Variants in HMCN2 observed in about 807,000 individuals in gnomAD.
HMCN2 encodes hemicentin 2, also known as hemicentin-2.
HMCN2 carries 325 observed loss-of-function variants against 377.5 expected under a neutral mutation model. The observed-to-expected ratio is 0.86, with a 90% CI of 0.79 to 0.94. HMCN2 has a LOEUF of 0.94. HMCN2 is among the 40% of genes least tolerant of loss of function. The pLI, the probability that HMCN2 is intolerant of heterozygous loss-of-function variation, is 0.00. For synonymous variants in HMCN2, 2,007 were observed against 2,046.8 expected, an observed-to-expected ratio of 0.98 and a Z score of 0.53; for missense variants, 4,543 against 4,725.3, an observed-to-expected ratio of 0.96 and a Z score of 1.13.
At chr9:130,356,355 G>T (rs1840026915) in intron 34 of HMCN2, 98 bp downstream of exon 34, 6 of 1,140,754 alleles carry the variant, frequency 5.3e-6, no homozygotes, top group Non-Finnish European at 6.7e-6. Context: ...CACGGGGCTG[G>T]TCTTTGCTGG....
At position 130,358,591 on chromosome 9, in the gene HMCN2, A is replaced by G. The variant is rs1840180380; in HGVS notation, c.5677+105A>G. Reference sequence around the variant, plus strand: ...GCGAGGGAGGGGGAGGAGGTTTTTCAGTCATAGTTGTGCACTTAACTTCAG... The same window carrying G: ...GCGAGGGAGGGGGAGGAGGTTTTTCGGTCATAGTTGTGCACTTAACTTCAG... On this transcript the variant is annotated intron_variant, in intron 36 of 97. Transcript: ENST00000683500. 2.8e-6 allele frequency: 3 copies of G among 1,074,732 alleles called. No homozygotes were observed. The South Asian group carries it at 4.0e-5, about 14-fold the overall frequency. 66.6% of individuals were successfully genotyped at this position (1,074,732 alleles called of 1,614,324 possible).
At chr9:130,325,437 C>T (rs1838081799) in intron 19 of HMCN2, among the ~76,000 whole-genome samples, 158 bp from the exon 20 acceptor site, 1 of 152,202 alleles carries the variant, frequency 6.6e-6, no homozygotes, top group Admixed American at 6.5e-5. Flanking sequence ...GAATTAATTG[C>T]CTTCCTTTTT....
At chr9:130,348,456 G>A (rs945908480) in intron 26 of HMCN2, 89 bp from the exon 27 acceptor site, 5 of 1,245,582 alleles carry the variant, frequency 4.0e-6, no homozygotes, top group African/African-American at 3.1e-5. Flanking sequence ...CCCCAGTGAC[G>A]AAGGGGAGGG....
At chr9:130,430,147 G>T in intron 94 of HMCN2, 137 bp from the exon 95 acceptor site, 1 of 729,922 alleles carries the variant, frequency 1.4e-6, no homozygotes, top group Non-Finnish European at 2.2e-6. Flanking sequence ...GGGGGATGCA[G>T]CGTGGCTCAC....
intron 22 of HMCN2, among the ~76,000 whole-genome samples, chr9:130,332,911 G>A (rs1838502554): frequency 1.3e-5 from 2 of 152,172 alleles, no homozygotes; most frequent in South Asian, 4.1e-4. Context: ...TCATTCCACG[G>A]CCGCCGGCCC....
In HMCN2 at chr9:130,306,164, C is replaced by T. The variant is rs1554936622; in HGVS notation, c.1852C>T (p.His618Tyr). Residue 618 changes from histidine to tyrosine, a missense_variant, in exon 12 of 98, where the codon CAC becomes TAC. Coordinates refer to ENST00000683500, the MANE Select transcript of HMCN2 (RefSeq NM_001291815.2). ...PQVSIHTSSQ[H>Y]FSQGVEVKVS... Reference sequence around the variant, plus strand: ...GGTCAGCATCCACACCAGCTCCCAGCACTTCTCCCAAGGTGTGGAGGTGAA... The same window carrying T: ...GGTCAGCATCCACACCAGCTCCCAGTACTTCTCCCAAGGTGTGGAGGTGAA... 2.1e-6 allele frequency: 1 copy of T among 471,166 alleles called. No homozygotes were observed. Among genetic ancestry groups the T allele is most frequent in the Non-Finnish European group, 4.4e-6 (1 of 227,048 alleles). The allele number at this position is 471,166 out of a possible 1,614,324, so 29.2% of individuals were successfully genotyped here.
intron 25 of HMCN2, among the ~76,000 whole-genome samples, chr9:130,343,972 G>C (rs1207255251): frequency 2.6e-5 from 4 of 152,224 alleles, no homozygotes; most frequent in Admixed American, 2.6e-4. Flanking sequence ...CACCCACTTG[G>C]TGGTGTGTGT....
intron 32 of HMCN2, among the ~76,000 whole-genome samples, chr9:130,355,343 C>T (rs960613054): frequency 4.6e-5 from 7 of 152,174 alleles, no homozygotes; most frequent in Non-Finnish European, 7.4e-5. Flanking sequence ...TGGCCCTTTA[C>T]GGAGACTTTC....
rs1051581383 is a variant in HMCN2, at chr9:130,376,638, C to G, written c.8041C>G (p.Arg2681Gly). The G allele has an allele frequency of 5.1e-6, 5 of 985,734 alleles. No individual in the cohort carries two copies. In the African/African-American group the frequency reaches 8.7e-5, roughly 17 times the overall value. The allele number at this position is 985,734 out of a possible 1,614,324, so 61.1% of individuals were successfully genotyped here. Residue 2681 changes from arginine (R) to glycine (G), a missense_variant, in exon 52 of 98, where the codon CGC (arginine) becomes GGC (glycine). Arg to Gly is a moderately radical substitution (Grantham distance 125, BLOSUM62 -2). Coordinates refer to ENST00000683500, the MANE Select transcript of HMCN2 (RefSeq NM_001291815.2). Reference sequence around the variant, plus strand: ...CTGGGCTGTGCCCCCGCCCACCATCCGCTGGTACAAGGATGGACAGGTGAG... The same window carrying G: ...CTGGGCTGTGCCCCCGCCCACCATCGGCTGGTACAAGGATGGACAGGTGAG... ...ESWAVPPPTI[R>G]WYKDGQPVTP...
rs1270733740 is a variant in HMCN2 at position 130,394,009 on chromosome 9, G to A, written c.10501+1G>A. On this transcript the variant is annotated splice_donor_variant, in intron 68 of 97. Coordinates refer to ENST00000683500, the MANE Select transcript of HMCN2 (RefSeq NM_001291815.2). LOFTEE classifies it high-confidence loss of function. This position sits in a 1 kb window ranked among gnomAD's most constrained non-coding sequence, Gnocchi z 5.1. ...AGGCATTTCCAGCTGACCGTCATGG[G>A]TGGGTCCTCTGGCCTCTGGCCAGCT... The A allele has an allele frequency of 1.6e-6, 2 of 1,251,792 alleles. No homozygotes were observed. Among genetic ancestry groups the A allele is most frequent in the African/African-American group, 1.5e-5 (1 of 64,724 alleles). The allele number at this position is 1,251,792 out of a possible 1,614,324, so 77.5% of individuals were successfully genotyped here.
intron 53 of HMCN2, among the ~76,000 whole-genome samples, chr9:130,378,294 G>T (rs1249129060): frequency 2.0e-5 from 3 of 147,110 alleles, no homozygotes; most frequent in African/African-American, 7.7e-5. Context: ...AGCTGGGAGG[G>T]AGAGGCTGGG....
rs1251003551 is a variant in HMCN2 at position 130,424,823 on chromosome 9, G to T, written c.13429G>T (p.Ala4477Ser). 4.6e-6 allele frequency: 7 copies of T among 1,527,156 alleles called. No individual in the cohort carries two copies. The Admixed American group carries it at 1.5e-4, about 32-fold the overall frequency. 94.6% of individuals were successfully genotyped at this position (1,527,156 alleles called of 1,614,324 possible). Residue 4477 changes from alanine to serine, a missense_variant, in exon 88 of 98, where the codon GCC becomes TCC. Ala to Ser is a moderately conservative substitution (Grantham distance 99). This residue lies in a region of HMCN2 where 1,155 missense variants were observed against 1,157.7 expected (regional missense o/e 1.00). Coordinates refer to ENST00000683500, the MANE Select transcript of HMCN2 (RefSeq NM_001291815.2). ...LVVTIAPIYW[A>S]LARESGEALN... ...GGTCACCATCGCCCCCATCTACTGG[G>T]CCCTGGCCAGAGAGAGTGGGGAAGC...
intron 95 of HMCN2, chr9:130,430,901 A>C: frequency 2.1e-6 from 1 of 465,724 alleles, no homozygotes; most frequent in South Asian, 3.4e-5. Context: ...CCCTTTGAGA[A>C]ACACTCCTCT....
At chr9:130,309,405 C>G (rs1410277058) in intron 14 of HMCN2, among the ~76,000 whole-genome samples, 4 of 145,810 alleles carry the variant, frequency 2.7e-5, no homozygotes, top group Non-Finnish European at 5.9e-5. Flanking sequence ...ATCCCAGATA[C>G]TTGGTAGGCT....
rs1036796208 is a variant in HMCN2, at chr9:130,326,572, T to C, written c.3193+602T>C. On this transcript the variant is annotated intron_variant, in intron 21 of 97. Transcript: ENST00000683500. ...CTCTCATAGACCCTTACAGTCAATA[T>C]TTTTATATTGTAAAAAAAAAAAAAT... is the stretch of plus-strand genomic sequence containing the variant. 1.4e-4 allele frequency among the ~76,000 whole-genome samples: 21 copies of C among 151,702 alleles called. No individual in the cohort carries two copies. In the South Asian group the frequency reaches 1.5e-3, roughly 11 times the overall value.
Position 130,349,599 on chromosome 9 carries a change from G to A in HMCN2, c.4366G>A (p.Val1456Met), listed in dbSNP as rs528365677. The A allele has an allele frequency of 5.4e-6, 7 of 1,304,094 alleles. No individual in the cohort carries two copies. The highest frequency in any genetic ancestry group is 3.0e-5 in the African/African-American group (2 of 65,980). The allele number at this position is 1,304,094 out of a possible 1,614,324, so 80.8% of individuals were successfully genotyped here. Residue 1456 changes from valine to methionine, a missense_variant, in exon 29 of 98, where the codon GTG becomes ATG. By Grantham distance (21) the Val-to-Met change is conservative. Around this residue, in one of 5 missense-constraint regions of HMCN2, gnomAD observed 1,032 missense variants for 1,285.1 expected, o/e 0.80. Transcript: ENST00000683500. ...QEVLGLAGAD[V>M]ELQCWTSGVP... is the part of the protein sequence containing the mutation. ...GGTGCTAGGATTGGCCGGTGCAGAC[G>A]TGGAGCTGCAGTGTTGGACCTCAGG...
rs1458429101 is a variant in HMCN2, at chr9:130,403,740, G to C, written c.12014-1G>C. 7.8e-7 allele frequency: 1 copy of C among 1,289,540 alleles called. No individual in the cohort carries two copies. Among genetic ancestry groups the C allele is most frequent in the Admixed American group, 2.3e-5 (1 of 43,520 alleles). 79.9% of individuals were successfully genotyped at this position (1,289,540 alleles called of 1,614,324 possible). ...CCCCGATTTTCTTCTTCCTCGTTCA[G>C]GAGTGAGTACCCAGGTCCTACCAGG... On this transcript the variant is annotated splice_acceptor_variant, in intron 79 of 97. Transcript: ENST00000683500. LOFTEE classifies it high-confidence loss of function.
At chr9:130,359,229 G>A in intron 36 of HMCN2, 90 bp from the exon 37 acceptor site, 6 of 590,808 alleles carry the variant, frequency 1.0e-5, no homozygotes, top group Non-Finnish European at 1.6e-5. Context: ...TTTCTATGGG[G>A]AGCAGGGAGC....
intron 1 of HMCN2, among the ~76,000 whole-genome samples, chr9:130,282,037 T>C (rs1351575140): frequency 6.6e-6 from 1 of 152,252 alleles, no homozygotes; most frequent in Admixed American, 6.5e-5. Flanking sequence ...TTAATTTCTT[T>C]TTACAGTGAA....
Sources: gnomAD v4.1 joint callset for allele counts (sites outside exome capture counted in the v4.1 genomes callset) on GRCh38, gnomAD v4.1.1 for gene constraint, gnomAD v4.1.1 regional missense constraint, Gnocchi (gnomAD v3.1) non-coding constraint, MANE v1.5 for transcripts, NCBI Gene and HGNC (gene_info 2026-07-23, HGNC 2026-07-21) for gene names.